The following EPAS1 variants were observed in gnomAD, a reference collection of about 807,000 sequenced individuals.
EPAS1 encodes endothelial PAS domain protein 1.
A neutral mutation model predicts 87.9 loss-of-function variants in EPAS1; 23 were observed. That is an observed-to-expected ratio of 0.26 (90% CI 0.19 to 0.37). The LOEUF (loss-of-function observed/expected upper bound fraction) is 0.37, where lower values mean the gene tolerates loss of function less well. EPAS1 is among the 10% of genes least tolerant of loss of function. EPAS1 has a pLI of 1.00. For synonymous variants in EPAS1, 508 were observed against 444.3 expected (o/e 1.14, Z -1.80); for missense variants, 1,138 against 1,120.7 (o/e 1.02, Z -0.22).
chr2:46,310,317 G>T (rs984834090), intron 1 of EPAS1, among the ~76,000 whole-genome samples: 2 of 151,442 alleles, frequency 1.3e-5, no homozygotes, highest in Non-Finnish European at 2.9e-5. Context: ...TCTCATTCTG[G>T]ATTCTAGGTT....
At chr2:46,330,987 C>T (rs999572957) in intron 1 of EPAS1, among the ~76,000 whole-genome samples, 1 of 152,084 alleles carries the variant, frequency 6.6e-6, no homozygotes, top group African/African-American at 2.4e-5. Context: ...AGAGCACTTG[C>T]TCCTGACTTC....
intron 1 of EPAS1, among the ~76,000 whole-genome samples, chr2:46,304,678 T>C (rs1022324799): frequency 1.3e-5 from 2 of 152,142 alleles, no homozygotes; most frequent in Admixed American, 6.5e-5. Flanking sequence ...TTCAAAGCTT[T>C]CCACATCCCA....
At position 46,361,026 on chromosome 2, in the gene EPAS1, C is replaced by G; in HGVS notation, c.715C>G (p.Leu239Val). 6.2e-7 allele frequency: 1 copy of G among 1,614,136 alleles called. No individual in the cohort carries two copies. Among genetic ancestry groups the G allele is most frequent in the Non-Finnish European group, 8.5e-7 (1 of 1,180,026 alleles). Residue 239 changes from leucine (L) to valine (V), a missense_variant, in exon 6 of 16, where the codon CTG (leucine) becomes GTG (valine). By Grantham distance (32) the Leu-to-Val change is conservative. Around this residue, in one of 4 missense-constraint regions of EPAS1, gnomAD observed 351 missense variants for 417.1 expected, o/e 0.84. Transcript: ENST00000263734. ...GCACCCATCCCACATGGACATCCCC[C>G]TGGATAGCAAGACCTTCCTGAGCCG... ...IQHPSHMDIP[L>V]DSKTFLSRHS...
Position 46,365,682 on chromosome 2 carries a change from G to A in EPAS1, c.780-4145G>A, listed in dbSNP as rs180732659. The stretch of plus-strand genomic sequence containing the variant: ...TTTCATATAACCATGTAGTATTTGA[G>A]GAAAACACAAGGCTTAAGTACTGTT... On this transcript the variant is annotated intron_variant, in intron 6 of 15. Coordinates refer to ENST00000263734, the MANE Select transcript of EPAS1 (RefSeq NM_001430.5). Among the ~76,000 whole-genome samples the A allele has an allele frequency of 5.3e-5, 8 of 152,282 alleles. No individual in the cohort carries two copies. The East Asian group carries it at 1.5e-3, about 29-fold the overall frequency.
chr2:46,354,828 T>C (rs1258012086), intron 2 of EPAS1, among the ~76,000 whole-genome samples: 2 of 152,146 alleles, frequency 1.3e-5, no homozygotes, highest in Non-Finnish European at 2.9e-5. Flanking sequence ...GCCCAATCTC[T>C]GAGACTGGGA....
intron 1 of EPAS1, among the ~76,000 whole-genome samples, chr2:46,309,686 C>CA (rs1412581610): frequency 6.6e-6 from 1 of 152,154 alleles, no homozygotes; most frequent in Non-Finnish European, 1.5e-5. Flanking sequence ...CAGCAATAAA[C>CA]AGAGTGTGCA....
intron 1 of EPAS1, 134 bp downstream of exon 1, chr2:46,298,071 T>C (rs1682922306): frequency 7.1e-6 from 8 of 1,126,662 alleles, no homozygotes; most frequent in African/African-American, 3.1e-5. Flanking sequence ...TTTGGAGGGC[T>C]GTGAGGGGGA....
At chr2:46,302,734 G>GAAAAAAAAAAAAAAA (rs368452487) in intron 1 of EPAS1, among the ~76,000 whole-genome samples, 1 of 119,540 alleles carries the variant, frequency 8.4e-6, no homozygotes, top group African/African-American at 3.3e-5. Context: ...GTCTGATTAG[G>GAAAAAAAAAAAAAAA]AAAAAAAAAA....
At chr2:46,361,236 T>A in intron 6 of EPAS1, 146 bp downstream of exon 6, 1 of 898,794 alleles carries the variant, frequency 1.1e-6, no homozygotes, top group Non-Finnish European at 1.7e-6. Context: ...ACTGTTTCAT[T>A]GCATCAGTGC....
At chr2:46,356,876 G>A (rs1558600557) in intron 4 of EPAS1, 68 bp downstream of exon 4, 5 of 1,147,742 alleles carry the variant, frequency 4.4e-6, no homozygotes, top group Admixed American at 1.7e-5. Flanking sequence ...CTTTGTCTAC[G>A]GGTATAAGGG....
chr2:46,376,862 C>G lies in EPAS1; in HGVS notation c.1249+109C>G, dbSNP rs1684762999. The G allele has an allele frequency of 5.3e-6, 6 of 1,140,952 alleles. No individual in the cohort carries two copies. In the Admixed American group the frequency reaches 5.9e-5, roughly 11 times the overall value. The allele number at this position is 1,140,952 out of a possible 1,614,324, so 70.7% of individuals were successfully genotyped here. A position where few individuals can be genotyped will look rare whatever the true frequency, so the allele number is the denominator to read the frequency against. ...CAGCTTTTTCTTAACCAGAGCTACCCCAGCCCCCCAAGTCTTGTTAATCAC... is the reference window on the plus strand; with the variant it reads ...CAGCTTTTTCTTAACCAGAGCTACCGCAGCCCCCCAAGTCTTGTTAATCAC... On this transcript the variant is annotated intron_variant, in intron 9 of 15. Transcript: ENST00000263734.
intron 1 of EPAS1, among the ~76,000 whole-genome samples, chr2:46,321,668 C>T: frequency 6.6e-6 from 1 of 151,950 alleles, no homozygotes; most frequent in Non-Finnish European, 1.5e-5. Flanking sequence ...AAACATATTG[C>T]CTGTTCCTTG....
chr2:46,329,651 G>A (rs1013315393), intron 1 of EPAS1, among the ~76,000 whole-genome samples: 5 of 152,050 alleles, frequency 3.3e-5, no homozygotes, highest in African/African-American at 7.2e-5. Flanking sequence ...GTGAAACCCC[G>A]TCTCTACTAA....
At chr2:46,359,924 G>C (rs1572637808) in intron 4 of EPAS1, among the ~76,000 whole-genome samples, 1 of 152,208 alleles carries the variant, frequency 6.6e-6, no homozygotes, top group South Asian at 2.1e-4. Context: ...AAGGAAGTAA[G>C]CTATATTGCT....
At chr2:46,307,128 C>T (rs553518861) in intron 1 of EPAS1, among the ~76,000 whole-genome samples, 3 of 152,336 alleles carry the variant, frequency 2.0e-5, no homozygotes, top group African/African-American at 7.2e-5. Context: ...TTGTATTTCT[C>T]TCCTGTGTTT....
At chr2:46,368,667 C>G (rs78271866) in intron 6 of EPAS1, among the ~76,000 whole-genome samples, 2 of 152,026 alleles carry the variant, frequency 1.3e-5, no homozygotes, top group East Asian at 3.9e-4. Context: ...CTTTCCTCTC[C>G]GTGTTATTGA....
In EPAS1 at chr2:46,375,604, G is replaced by C. The variant is rs1172508892; in HGVS notation, c.887-86G>C. ...GTTCTGTCTGTTCCCCTGCAGATTA[G>C]ACTGCCCTCCCATGCGATCTGCTGA... is the stretch of plus-strand genomic sequence containing the variant. On this transcript the variant is annotated intron_variant, in intron 7 of 15. Transcript: ENST00000263734. The surrounding 1 kb of genome is among the most constrained non-coding windows in gnomAD (Gnocchi z 4.1). The C allele has an allele frequency of 6.6e-7, 1 of 1,513,152 alleles. No homozygotes were observed. The highest frequency in any genetic ancestry group is 9.0e-7 in the Non-Finnish European group (1 of 1,110,880). 93.7% of individuals were successfully genotyped at this position (1,513,152 alleles called of 1,614,324 possible). A position where few individuals can be genotyped will look rare whatever the true frequency, so the allele number is the denominator to read the frequency against.
At chr2:46,366,729 A>T (rs1226343179) in intron 6 of EPAS1, among the ~76,000 whole-genome samples, 1 of 152,208 alleles carries the variant, frequency 6.6e-6, no homozygotes, top group Non-Finnish European at 1.5e-5. Flanking sequence ...AAAGAAAAAA[A>T]AATAGTTCCC....
chr2:46,375,596 G>A lies in EPAS1; in HGVS notation c.887-94G>A. The A allele has an allele frequency of 6.8e-7, 1 of 1,479,690 alleles. No homozygotes were observed. Among genetic ancestry groups the A allele is most frequent in the Non-Finnish European group, 9.2e-7 (1 of 1,081,870 alleles). 91.7% of individuals were successfully genotyped at this position (1,479,690 alleles called of 1,614,324 possible). A position where few individuals can be genotyped will look rare whatever the true frequency, so the allele number is the denominator to read the frequency against. On this transcript the variant is annotated intron_variant, in intron 7 of 15. Transcript: ENST00000263734. This position sits in a 1 kb window ranked among gnomAD's most constrained non-coding sequence, Gnocchi z 4.1. ...GGCGCCCTGTTCTGTCTGTTCCCCT[G>A]CAGATTAGACTGCCCTCCCATGCGA...
Sources: gnomAD v4.1 joint callset for allele counts (sites outside exome capture counted in the v4.1 genomes callset) on GRCh38, gnomAD v4.1.1 for gene constraint, gnomAD v4.1.1 regional missense constraint, Gnocchi (gnomAD v3.1) non-coding constraint, MANE v1.5 for transcripts, NCBI Gene and HGNC (gene_info 2026-07-23, HGNC 2026-07-21) for gene names.